RACGAP1: variants seen among roughly 807,000 people sequenced by gnomAD.
RACGAP1 encodes the protein rac GTPase-activating protein 1.
Under a neutral mutation model 78.1 loss-of-function variants are expected in RACGAP1, and 30 were observed. The observed-to-expected ratio is 0.38, with a 90% CI of 0.29 to 0.52. The LOEUF is 0.52. Ranked by LOEUF, RACGAP1 falls within the 20% of genes least tolerant of loss-of-function variation. The pLI is 0.82. For missense variants in RACGAP1, 587 were observed against 777.1 expected (o/e 0.76, Z 2.91); for synonymous variants, 231 against 264.8 (o/e 0.87, Z 1.24).
chr12:50,012,574 A>AAAAT (rs1001774206), intron 2 of RACGAP1, among the ~76,000 whole-genome samples: 1 of 151,590 alleles, frequency 6.6e-6, no homozygotes, highest in Non-Finnish European at 1.5e-5. Context: ...AAAAATAAAA[A>AAAAT]AAATAAATAA....
At chr12:50,017,252 C>T (rs1036722137) in intron 1 of RACGAP1, among the ~76,000 whole-genome samples, 5 of 152,160 alleles carry the variant, frequency 3.3e-5, no homozygotes, top group Non-Finnish European at 7.3e-5. Context: ...GTGGGAAAAT[C>T]GCCAGCTCAG....
chr12:50,021,434 G>A (rs539206795), intron 1 of RACGAP1, among the ~76,000 whole-genome samples: 37 of 152,324 alleles, frequency 2.4e-4, no homozygotes, highest in African/African-American at 7.7e-4. Flanking sequence ...GTATCCCTAA[G>A]GGAGCAATCT....
At position 49,992,255 on chromosome 12, in the gene RACGAP1, CGCTT is replaced by C; in HGVS notation, c.1564_1567del (p.Lys522ValfsTer21). The C allele has an allele frequency of 6.2e-7, 1 of 1,614,116 alleles. No homozygotes were observed. The highest frequency in any genetic ancestry group is 8.5e-7 in the Non-Finnish European group (1 of 1,180,002). ...CACGCACCTGCCTACCTTGGGTTGA[CGCTT>C]GATGTCCTGTAACATTGTCACTGGG... is the stretch of plus-strand genomic sequence containing the variant. On this transcript the variant is annotated frameshift_variant, in exon 14 of 17. Transcript: ENST00000312377. LOFTEE classifies it high-confidence loss of function.
At chr12:49,998,998 T>C (rs1297641793) in intron 9 of RACGAP1, 143 bp downstream of exon 9, 7 of 1,014,740 alleles carry the variant, frequency 6.9e-6, no homozygotes, top group South Asian at 4.1e-5. Flanking sequence ...CTGTAACCAA[T>C]AGTTACTTCT....
chr12:49,995,123 C>T (rs982165336), intron 10 of RACGAP1, among the ~76,000 whole-genome samples: 1 of 151,976 alleles, frequency 6.6e-6, no homozygotes, highest in African/African-American at 2.4e-5. Context: ...CCGAGGTGGG[C>T]GGATCACCTG....
At position 50,006,448 on chromosome 12, in the gene RACGAP1, C is replaced by A; in HGVS notation, c.274G>T (p.Asp92Tyr). 1 of 1,614,150 alleles carries A rather than the reference C, an allele frequency of 6.2e-7. No individual in the cohort carries two copies. The highest frequency in any genetic ancestry group is 1.1e-5 in the South Asian group (1 of 91,072). Residue 92 changes from aspartate (D) to tyrosine (Y), a missense_variant, in exon 3 of 17, where the codon GAC becomes TAC. Transcript: ENST00000312377. ...EIKRRQRAEA[D>Y]CEKLERQIQL... ...ACAATACACACCAGCTTTTCGCAGTCAGCCTCAGCTCTCTGTCTCCGTTTG... is the reference window on the plus strand; with the variant it reads ...ACAATACACACCAGCTTTTCGCAGTAAGCCTCAGCTCTCTGTCTCCGTTTG...
chr12:50,015,300 C>A (rs1320964416), intron 2 of RACGAP1, among the ~76,000 whole-genome samples: 3 of 152,268 alleles, frequency 2.0e-5, no homozygotes, highest in Non-Finnish European at 2.9e-5. Flanking sequence ...AACCACCAAA[C>A]CTGGCTCTCA....
intron 3 of RACGAP1, among the ~76,000 whole-genome samples, chr12:50,005,980 C>T (rs1483976937): frequency 5.3e-5 from 8 of 152,182 alleles, no homozygotes; most frequent in Admixed American, 5.2e-4. Flanking sequence ...TACATCTAGC[C>T]TTTTACCCTG....
chr12:50,025,199 A>C (rs1592245467), intron 1 of RACGAP1, 199 bp downstream of exon 1: 1 of 637,598 alleles, frequency 1.6e-6, no homozygotes, highest in Non-Finnish European at 1.9e-6. Flanking sequence ...GAAGCCCCCG[A>C]CCCTCCCAGG....
chr12:50,028,494 C>T (rs903172245), upstream of RACGAP1, among the ~76,000 whole-genome samples: 21 of 152,190 alleles, frequency 1.4e-4, no homozygotes, highest in Non-Finnish European at 2.9e-4. Flanking sequence ...TATGGCTGGG[C>T]GAGGTGGCTT....
intron 3 of RACGAP1, 81 bp from the exon 4 acceptor site, chr12:50,005,473 G>GA (rs1948920102): frequency 5.2e-6 from 8 of 1,526,644 alleles, no homozygotes; most frequent in African/African-American, 1.4e-5. Flanking sequence ...AGGCAGACCA[G>GA]AAGACATTAA....
chr12:49,996,499 T>C (rs1948273068), intron 10 of RACGAP1, among the ~76,000 whole-genome samples: 1 of 149,278 alleles, frequency 6.7e-6, no homozygotes. Context: ...TAGCCGGGCA[T>C]GGTGGTGGTA....
chr12:50,007,038 C>T (rs747727921), intron 2 of RACGAP1, among the ~76,000 whole-genome samples: 4 of 152,294 alleles, frequency 2.6e-5, no homozygotes, highest in South Asian at 2.1e-4. Flanking sequence ...TTTACAGTCA[C>T]GCATTGCTGC....
intron 15 of RACGAP1, 47 bp from the exon 16 acceptor site, chr12:49,990,839 C>G (rs1947789752): frequency 6.7e-7 from 1 of 1,487,152 alleles, no homozygotes; most frequent in Non-Finnish European, 9.4e-7. Flanking sequence ...AAAAAGAAGG[C>G]ATCTTTTTAG....
intron 15 of RACGAP1, 93 bp from the exon 16 acceptor site, chr12:49,990,885 T>C (rs905259373): frequency 1.1e-6 from 1 of 909,128 alleles, no homozygotes; most frequent in Non-Finnish European, 1.8e-6. Flanking sequence ...TCTGAAGCAC[T>C]TAAGAGCTAA....
chr12:50,001,001 TG>T, intron 7 of RACGAP1, among the ~76,000 whole-genome samples, 170 bp downstream of exon 7: 1 of 152,372 alleles, frequency 6.6e-6, no homozygotes, highest in East Asian at 1.9e-4. Context: ...TGAGCCAAGA[TG>T]GTGCCATTGC....
At chr12:50,031,066 G>A (rs1002386756) in intron 2 of RACGAP1, among the ~76,000 whole-genome samples, 4 of 151,354 alleles carry the variant, frequency 2.6e-5, no homozygotes, top group African/African-American at 9.7e-5. Context: ...AGACGCCACC[G>A]CGCCCGGCCA....
chr12:50,026,605 A>G (rs932023446), upstream of RACGAP1, among the ~76,000 whole-genome samples: 32 of 152,178 alleles, frequency 2.1e-4, no homozygotes, highest in African/African-American at 7.7e-4. Context: ...CACAGTGTAT[A>G]CATACATCAA....
chr12:49,996,257 T>C (rs1948254630), intron 10 of RACGAP1, among the ~76,000 whole-genome samples: 1 of 150,948 alleles, frequency 6.6e-6, no homozygotes, highest in South Asian at 2.1e-4. Context: ...GAGGCTGCAG[T>C]GAGCCAAAGT....
Sources: allele counts gnomAD v4.1 joint callset (sites outside exome capture counted in the v4.1 genomes callset), GRCh38; gene constraint gnomAD v4.1.1; transcripts MANE v1.5; gene names NCBI Gene and HGNC (gene_info 2026-07-23, HGNC 2026-07-21).